The following AGT variants were observed in gnomAD, a reference collection of about 807,000 sequenced individuals.
The protein encoded by AGT is alpha-1 antiproteinase, antitrypsin.
A neutral mutation model predicts 28.1 loss-of-function variants in AGT; 26 were observed. The ratio of observed to expected loss-of-function variants is 0.92; its 90% CI spans 0.68 to 1.28. AGT has a LOEUF of 1.28. Ranked by LOEUF, AGT falls within the 50% of genes most tolerant of loss-of-function variation. The pLI is 0.00. For synonymous variants in AGT, 259 were observed against 259.6 expected (o/e 1.00, Z 0.02); for missense variants, 596 against 592.3 (o/e 1.01, Z -0.06).
chr1:230,727,991 G>C (rs776301664), intron 1 of AGT, among the ~76,000 whole-genome samples: 12 of 152,130 alleles, frequency 7.9e-5, no homozygotes, highest in Admixed American at 4.6e-4. Context: ...AAATATGAAG[G>C]CAGGGGTTTT....
At chr1:230,744,460 T>C (rs1001896019) in intron 1 of AGT, among the ~76,000 whole-genome samples, 2 of 152,032 alleles carry the variant, frequency 1.3e-5, no homozygotes, top group South Asian at 2.1e-4. Context: ...TGGGCAGACA[T>C]TGGGCAGGAA....
At chr1:230,719,318 G>C (rs972093330), upstream of AGT, among the ~76,000 whole-genome samples, 1 of 151,986 alleles carries the variant, frequency 6.6e-6, no homozygotes, top group African/African-American at 2.4e-5. Flanking sequence ...ATGAGCTGGA[G>C]GAAAACGGTC....
chr1:230,727,275 C>T (rs1473638558), intron 1 of AGT, among the ~76,000 whole-genome samples: 2 of 152,214 alleles, frequency 1.3e-5, no homozygotes, highest in Non-Finnish European at 2.9e-5. Flanking sequence ...GGAATTGTTA[C>T]TTATGCCTTA....
chr1:230,731,575 C>G (rs958256297), intron 1 of AGT, among the ~76,000 whole-genome samples: 3 of 152,172 alleles, frequency 2.0e-5, no homozygotes, highest in African/African-American at 7.2e-5. Flanking sequence ...TCCATTAACA[C>G]AGAAACTTGG....
intron 2 of AGT, among the ~76,000 whole-genome samples, chr1:230,707,640 T>G (rs940774626): frequency 1.3e-5 from 2 of 152,230 alleles, no homozygotes; most frequent in African/African-American, 4.8e-5. Flanking sequence ...GCACGTTCCC[T>G]GCAGGGACCT....
intron 1 of AGT, among the ~76,000 whole-genome samples, chr1:230,735,346 G>C (rs538645909): frequency 6.6e-6 from 1 of 152,090 alleles, no homozygotes; most frequent in African/African-American, 2.4e-5. Flanking sequence ...CCAAAGTGTC[G>C]TTAGTTACCT....
intron 1 of AGT, among the ~76,000 whole-genome samples, chr1:230,737,073 A>G (rs1664169018): frequency 6.6e-6 from 1 of 152,150 alleles, no homozygotes; most frequent in African/African-American, 2.4e-5. Context: ...CCCTGGTGCA[A>G]GACCATTTCT....
Position 230,703,397 on chromosome 1 carries a change from A to T in AGT, c.1243-68T>A, listed in dbSNP as rs1663287678. 3 of 1,569,390 alleles carry T rather than the reference A, an allele frequency of 1.9e-6. No individual in the cohort carries two copies. In the East Asian group the frequency reaches 6.7e-5, roughly 35 times the overall value. On this transcript the variant is annotated intron_variant, in intron 4 of 4. Transcript: ENST00000366667. The stretch of plus-strand genomic sequence containing the variant: ...GGTGACCCAGGGTGCTGAGGGCTAG[A>T]GGGCCGGGGTGGGCTCAGGACCTCT...
rs1166480946 is a variant in AGT, at chr1:230,702,752, TA to T, written c.*388del. 3.2e-5 allele frequency: 8 copies of T among 246,814 alleles called. No homozygotes were observed. The highest frequency in any genetic ancestry group is 1.8e-4 in the African/African-American group (8 of 45,354). The allele number at this position is 246,814 out of a possible 1,614,324, so 15.3% of individuals were successfully genotyped here. On this transcript the variant is annotated 3_prime_UTR_variant, in exon 5 of 5. Transcript: ENST00000366667. ...GAAGGCAATGCAAAAATGTATACTT[TA>T]ATTTTAAAACCCAATTTTTGTTCTC...
intron 1 of AGT, among the ~76,000 whole-genome samples, chr1:230,720,548 G>A (rs1663823222): frequency 6.6e-6 from 1 of 152,196 alleles, no homozygotes; most frequent in South Asian, 2.1e-4. Context: ...GCTGAAGACA[G>A]TTTAAAGCCT....
At chr1:230,740,510 G>A (rs1466276774) in intron 1 of AGT, among the ~76,000 whole-genome samples, 1 of 152,200 alleles carries the variant, frequency 6.6e-6, no homozygotes, top group Non-Finnish European at 1.5e-5. Context: ...GTAACTGCTA[G>A]TTTACAGAGA....
chr1:230,710,308 C>T lies in AGT; in HGVS notation c.516G>A (p.Leu172=). The change falls in exon 2 of 5, where the codon CTG becomes CTA. Residue 172 remains leucine, a synonymous_variant. Transcript: ENST00000366667. ...GGCCCTGTACAGCCTGCAGGGCAGA[C>T]AGGACCTTGTGCGCATCCAGCCGGG... is the stretch of plus-strand genomic sequence containing the variant. The part of the protein sequence containing the change: ...CTSRLDAHKV[L]SALQAVQGLL... 6.2e-7 allele frequency: 1 copy of T among 1,614,050 alleles called. No homozygotes were observed. Among genetic ancestry groups the T allele is most frequent in the Non-Finnish European group, 8.5e-7 (1 of 1,180,022 alleles).
At chr1:230,715,284 T>C (rs1480519983), upstream of AGT, among the ~76,000 whole-genome samples, 2 of 152,152 alleles carry the variant, frequency 1.3e-5, no homozygotes, top group Non-Finnish European at 2.9e-5. Context: ...AATTCTGAAA[T>C]ACATTTTTTT....
chr1:230,716,871 CATGATGT>C (rs1180636875), upstream of AGT, among the ~76,000 whole-genome samples: 1 of 151,512 alleles, frequency 6.6e-6, no homozygotes, highest in Non-Finnish European at 1.5e-5. Flanking sequence ...GTCAGCAGAG[CATGATGT>C]ATTAGTCAGG....
chr1:230,706,593 T>A (rs1378311008), intron 2 of AGT, among the ~76,000 whole-genome samples: 2 of 152,124 alleles, frequency 1.3e-5, no homozygotes, highest in African/African-American at 4.8e-5. Flanking sequence ...ATTTAAGAGA[T>A]GTTATTTTTT....
intron 1 of AGT, among the ~76,000 whole-genome samples, chr1:230,722,826 G>A (rs1411611243): frequency 6.6e-6 from 1 of 152,202 alleles, no homozygotes; most frequent in East Asian, 1.9e-4. Context: ...TGTCTCAGAT[G>A]AGACTTTGGA....
chr1:230,703,282 G>A lies in AGT; in HGVS notation c.1290C>T (p.Pro430=), dbSNP rs1194624397. 1.2e-6 allele frequency: 2 copies of A among 1,614,178 alleles called. No homozygotes were observed. The highest frequency in any genetic ancestry group is 1.7e-6 in the Non-Finnish European group (2 of 1,180,030). Residue 430 remains proline, a synonymous_variant, in exon 5 of 5, where the codon CCC becomes CCT. Coordinates refer to ENST00000366667, the MANE Select transcript of AGT (RefSeq NM_001384479.1). The part of the protein sequence containing the change: ...FFELEADERE[P]TESTQQLNKP... ...TGTTAAGCTGTTGGGTAGACTCTGT[G>A]GGCTCTCTCTCATCCGCTTCAAGCT...
upstream of AGT, among the ~76,000 whole-genome samples, chr1:230,718,920 G>T (rs182845650): frequency 2.8e-4 from 43 of 152,040 alleles, no homozygotes; most frequent in African/African-American, 1.0e-3. Context: ...GTAGAGACAG[G>T]GTTTCACCAT....
chr1:230,703,430 G>A, intron 4 of AGT, 101 bp from the exon 5 acceptor site: 3 of 1,247,300 alleles, frequency 2.4e-6, no homozygotes, highest in Non-Finnish European at 3.5e-6. Flanking sequence ...TCTGTGCTGT[G>A]CACTGTCCTG....
Sources: allele counts gnomAD v4.1 joint callset (sites outside exome capture counted in the v4.1 genomes callset), GRCh38; gene constraint gnomAD v4.1.1; transcripts MANE v1.5; gene names NCBI Gene and HGNC (gene_info 2026-07-23, HGNC 2026-07-21).